BAG4: variants seen among roughly 807,000 people sequenced by gnomAD.
The protein encoded by BAG4 is BAG cochaperone 4.
BAG4 carries 28 observed loss-of-function variants against 52.1 expected under a neutral mutation model. That is an observed-to-expected ratio of 0.54 (90% CI 0.40 to 0.74). The LOEUF (loss-of-function observed/expected upper bound fraction) is 0.74. Among genes scored for constraint, BAG4 ranks in the 30% least tolerant of loss-of-function variants. The pLI, the probability that BAG4 is intolerant of heterozygous loss-of-function variation, is 0.00. For synonymous variants in BAG4, 208 were observed against 217.0 expected, an observed-to-expected ratio of 0.96 and a Z score of 0.37; for missense variants, 525 against 572.0, an observed-to-expected ratio of 0.92 and a Z score of 0.84.
chr8:38,182,810 GA>G (rs1192343130), intron 1 of BAG4, among the ~76,000 whole-genome samples: 6 of 150,392 alleles, frequency 4.0e-5, no homozygotes, highest in Admixed American at 3.3e-4. Flanking sequence ...CCAAAAGGAG[GA>G]AAAAAAAGAC....
chr8:38,208,428 G>A (rs1803811663), intron 3 of BAG4, among the ~76,000 whole-genome samples: 2 of 149,992 alleles, frequency 1.3e-5, no homozygotes, highest in Admixed American at 6.7e-5. Context: ...TCCGGCCTCA[G>A]CCTCCCGAGT....
intron 1 of BAG4, among the ~76,000 whole-genome samples, chr8:38,186,886 A>G (rs1015833237): frequency 3.3e-5 from 5 of 152,246 alleles, no homozygotes; most frequent in Admixed American, 6.5e-5. Context: ...CACATACTTC[A>G]TACTTGAAGT....
rs1362296980 is a variant in BAG4 at position 38,198,207 on chromosome 8, AC to A, written c.378+5416del. Among the ~76,000 whole-genome samples, 6 of 147,418 alleles carry A rather than the reference AC, an allele frequency of 4.1e-5. No homozygotes were observed. The South Asian group carries it at 6.6e-4, about 16-fold the overall frequency. On this transcript the variant is annotated intron_variant, in intron 2 of 4. Transcript: ENST00000287322. ...AGACCATCCTGGCTAATATGGTGAA[AC>A]CCCGTCTCTGCTAAAAATACAAAAA...
chr8:38,207,114 G>A (rs533689817), intron 2 of BAG4, among the ~76,000 whole-genome samples: 14 of 151,948 alleles, frequency 9.2e-5, no homozygotes, highest in Middle Eastern at 3.4e-3. Flanking sequence ...CACCATGCCC[G>A]GTTAATTTTT....
rs1463801207 is a variant in BAG4, at chr8:38,211,423, A to G, written c.*930A>G. 1 of 145,462 alleles carries G rather than the reference A, an allele frequency of 6.9e-6. No homozygotes were observed. Among genetic ancestry groups the G allele is most frequent in the African/African-American group, 2.5e-5 (1 of 39,332 alleles). The allele number at this position is 145,462 out of a possible 1,614,324, so 9.0% of individuals were successfully genotyped here. On this transcript the variant is annotated 3_prime_UTR_variant, in exon 5 of 5. Transcript: ENST00000287322. ...TTATGTTTTCACTATTGCTGCTTCT[A>G]TAGAGGGCATTGTGATAGAGAGTTA...
At chr8:38,205,202 ATTTT>A (rs35284937) in intron 2 of BAG4, among the ~76,000 whole-genome samples, 1 of 79,240 alleles carries the variant, frequency 1.3e-5, no homozygotes, top group East Asian at 4.5e-4. Context: ...CAGCTAATTA[ATTTT>A]TTTTTTTTTT....
chr8:38,188,363 T>G (rs184329590), intron 1 of BAG4, among the ~76,000 whole-genome samples: 2 of 150,528 alleles, frequency 1.3e-5, no homozygotes, highest in Non-Finnish European at 3.0e-5. Context: ...CACTTAAGGT[T>G]TAAAGATACA....
intron 2 of BAG4, among the ~76,000 whole-genome samples, chr8:38,196,937 C>G (rs1390445034): frequency 6.6e-6 from 1 of 151,702 alleles, no homozygotes; most frequent in East Asian, 1.9e-4. Flanking sequence ...ATTAGCTGGG[C>G]GTGGTGGCAG....
intron 1 of BAG4, among the ~76,000 whole-genome samples, chr8:38,180,522 CAAAAAAAAAA>C (rs1161178024): frequency 5.3e-4 from 14 of 26,492 alleles, no homozygotes; most frequent in African/African-American, 1.4e-3. Context: ...GACTCCGTCT[CAAAAAAAAAA>C]AAAAAAAAAA....
Position 38,210,182 on chromosome 8 carries a change from C to G in BAG4, c.1063C>G (p.His355Asp). ...PQLYGNATSD[H>D]PNNQDQSSSL... ...GCTGTATGGTAATGCCACCAGTGAC[C>G]ATCCCAACAATCAAGATCAAAGTAG... Residue 355 changes from histidine to aspartate, a missense_variant, in exon 5 of 5, where the codon CAT (histidine) becomes GAT (aspartate). By Grantham distance (81) the His-to-Asp change is moderately conservative. Around this residue, in one of 2 missense-constraint regions of BAG4, gnomAD observed 238 missense variants for 305.8 expected, o/e 0.78. Coordinates refer to ENST00000287322, the MANE Select transcript of BAG4 (RefSeq NM_004874.4). 2.5e-6 allele frequency: 4 copies of G among 1,614,092 alleles called. No homozygotes were observed. Among genetic ancestry groups the G allele is most frequent in the Non-Finnish European group, 3.4e-6 (4 of 1,180,034 alleles).
chr8:38,195,656 A>C (rs1803550775), intron 2 of BAG4, among the ~76,000 whole-genome samples: 1 of 152,184 alleles, frequency 6.6e-6, no homozygotes, highest in Admixed American at 6.5e-5. Context: ...TGTAAAATAA[A>C]GATCATGTTA....
At chr8:38,182,999 C>A (rs373100834) in intron 1 of BAG4, among the ~76,000 whole-genome samples, 8 of 150,602 alleles carry the variant, frequency 5.3e-5, no homozygotes, top group African/African-American at 2.0e-4. Context: ...CCACCACCAC[C>A]ACCACCACCA....
At chr8:38,185,344 T>C (rs1803347278) in intron 1 of BAG4, among the ~76,000 whole-genome samples, 1 of 152,146 alleles carries the variant, frequency 6.6e-6, no homozygotes. Flanking sequence ...ATATTTTATA[T>C]GAAAAAAATC....
At chr8:38,208,165 T>A (rs1004206789) in intron 3 of BAG4, among the ~76,000 whole-genome samples, 12 of 151,008 alleles carry the variant, frequency 7.9e-5, no homozygotes, top group Non-Finnish European at 3.0e-5. Flanking sequence ...TTAGTAGAGA[T>A]GGGGTTTCAC....
chr8:38,179,256 GT>G (rs1484694636), intron 1 of BAG4, among the ~76,000 whole-genome samples: 1 of 151,940 alleles, frequency 6.6e-6, no homozygotes, highest in Non-Finnish European at 1.5e-5. Context: ...GCCTCCCGGG[GT>G]CAAAGTCTCC....
intron 2 of BAG4, among the ~76,000 whole-genome samples, chr8:38,204,648 C>T (rs1183123487): frequency 7.0e-6 from 1 of 142,618 alleles, no homozygotes; most frequent in Admixed American, 7.1e-5. Context: ...ACAACAACAA[C>T]GAAAAAAAAA....
At chr8:38,199,810 A>G (rs1161835107) in intron 2 of BAG4, among the ~76,000 whole-genome samples, 1 of 152,098 alleles carries the variant, frequency 6.6e-6, no homozygotes, top group African/African-American at 2.4e-5. Flanking sequence ...GACGTGAGCC[A>G]CTGCGCCCAG....
chr8:38,205,202 A>ATTTTTTTTTT lies in BAG4; in HGVS notation c.379-2290_379-2281dup, dbSNP rs35284937. Among the ~76,000 whole-genome samples the ATTTTTTTTTT allele has an allele frequency of 7.6e-5, 6 of 79,316 alleles. 1 individual carries two copies. Among genetic ancestry groups the ATTTTTTTTTT allele is most frequent in the Admixed American group, 1.9e-4 (1 of 5,148 alleles). 52.0% of individuals were successfully genotyped at this position (79,316 alleles called of 152,430 possible). On this transcript the variant is annotated intron_variant, in intron 2 of 4. Transcript: ENST00000287322. ...GTGCCATACCACGCCCAGCTAATTA[A>ATTTTTTTTTT]TTTTTTTTTTTTTTTTTTTTTTTTT...
At chr8:38,209,758 A>T (rs1038681388) in intron 4 of BAG4, among the ~76,000 whole-genome samples, 1 of 151,448 alleles carries the variant, frequency 6.6e-6, no homozygotes, top group South Asian at 2.1e-4. Context: ...ATGGTGATGG[A>T]CCTGCCACAG....
Sources: allele counts gnomAD v4.1 joint callset (sites outside exome capture counted in the v4.1 genomes callset), GRCh38; gene constraint gnomAD v4.1.1; regional missense constraint gnomAD v4.1.1; transcripts MANE v1.5; gene names NCBI Gene and HGNC (gene_info 2026-07-23, HGNC 2026-07-21).